The following TRPM8 variants were observed in gnomAD, a reference collection of about 807,000 sequenced individuals.
The protein encoded by TRPM8 is TRPM8 cationic channel.
In TRPM8, 110 loss-of-function variants were observed where a neutral mutation model predicts 133.7. The ratio of observed to expected loss-of-function variants is 0.82; its 90% CI spans 0.70 to 0.96. The LOEUF (loss-of-function observed/expected upper bound fraction) is 0.96. TRPM8 is among the 40% of genes least tolerant of loss of function. The pLI is 0.00. For synonymous variants in TRPM8, 535 were observed against 532.3 expected, an observed-to-expected ratio of 1.01 and a Z score of -0.07; for missense variants, 1,291 against 1,379.5, an observed-to-expected ratio of 0.94 and a Z score of 1.02.
intron 21 of TRPM8, among the ~76,000 whole-genome samples, chr2:233,994,862 C>T (rs1692365522): frequency 6.6e-6 from 1 of 152,144 alleles, no homozygotes; most frequent in African/African-American, 2.4e-5. Flanking sequence ...GTTCATTGCA[C>T]CTCTTTGGCT....
chr2:233,969,520 G>GTT (rs60543702), intron 15 of TRPM8, among the ~76,000 whole-genome samples, 175 bp from the exon 16 acceptor site: 1 of 151,826 alleles, frequency 6.6e-6, no homozygotes, highest in East Asian at 1.9e-4. Flanking sequence ...GTTTTAAATT[G>GTT]TTTTTTTTAA....
chr2:233,943,846 G>T (rs2125108191), intron 6 of TRPM8, among the ~76,000 whole-genome samples: 1 of 152,288 alleles, frequency 6.6e-6, no homozygotes, highest in Non-Finnish European at 1.5e-5. Flanking sequence ...TCCCATCTGG[G>T]CTCCTTAGAA....
chr2:233,934,653 T>C (rs1361886710), intron 3 of TRPM8, among the ~76,000 whole-genome samples: 1 of 152,186 alleles, frequency 6.6e-6, no homozygotes. Flanking sequence ...TGTTCCTCAT[T>C]ATAGAATTTC....
intron 2 of TRPM8, among the ~76,000 whole-genome samples, chr2:233,930,301 G>A (rs1341297821): frequency 2.0e-5 from 3 of 152,112 alleles, no homozygotes; most frequent in Admixed American, 6.5e-5. Flanking sequence ...TAAACAGCAA[G>A]GATAAGAGGA....
chr2:233,919,698 A>G (rs192106362), intron 1 of TRPM8, among the ~76,000 whole-genome samples: 136 of 152,106 alleles, frequency 8.9e-4, no homozygotes, highest in Non-Finnish European at 1.1e-3. Context: ...TTACAAGTAC[A>G]GTGCCTGGCA....
At chr2:233,943,023 TG>T (rs575271250) in intron 6 of TRPM8, 49 of 552,758 alleles carry the variant, frequency 8.9e-5, no homozygotes, top group African/African-American at 7.5e-4. Flanking sequence ...TTCATAACTA[TG>T]GCTTACATCC....
At chr2:233,975,410 T>C (rs1244584758) in intron 17 of TRPM8, among the ~76,000 whole-genome samples, 1 of 152,140 alleles carries the variant, frequency 6.6e-6, no homozygotes, top group Non-Finnish European at 1.5e-5. Flanking sequence ...CAGAGGGCGC[T>C]TTGGTGGCCT....
chr2:233,930,060 A>G (rs530963249), intron 2 of TRPM8, among the ~76,000 whole-genome samples: 1 of 152,304 alleles, frequency 6.6e-6, no homozygotes, highest in South Asian at 2.1e-4. Flanking sequence ...TATCAATCTT[A>G]TGATGTTTCA....
intron 15 of TRPM8, among the ~76,000 whole-genome samples, 175 bp from the exon 16 acceptor site, chr2:233,969,520 G>GT (rs60543702): frequency 0.088 from 13,423 of 151,808 alleles, 1,508 homozygotes; most frequent in East Asian, 0.39. Context: ...GTTTTAAATT[G>GT]TTTTTTTTAA....
At chr2:233,956,246 C>A (rs1460139927) in intron 11 of TRPM8, among the ~76,000 whole-genome samples, 1 of 152,196 alleles carries the variant, frequency 6.6e-6, no homozygotes, top group Non-Finnish European at 1.5e-5. Context: ...TTGGTGACTG[C>A]TGTTTTAGAG....
At chr2:234,005,676 C>T (rs961201509) in intron 22 of TRPM8, among the ~76,000 whole-genome samples, 7 of 151,994 alleles carry the variant, frequency 4.6e-5, no homozygotes, top group East Asian at 1.9e-4. Context: ...TTTGGGAGGC[C>T]GAGGCAGGTA....
chr2:233,942,105 A>C (rs1315377239), intron 5 of TRPM8, among the ~76,000 whole-genome samples: 1 of 114,058 alleles, frequency 8.8e-6, no homozygotes, highest in Admixed American at 1.1e-4. Flanking sequence ...TTTGAGATGG[A>C]GTCTCACTCT....
Position 234,014,658 on chromosome 2 carries a change from A to G in TRPM8, c.*42+4A>G. On this transcript the variant is annotated splice_donor_region_variant and intron_variant, in intron 25 of 25. Transcript: ENST00000324695. Reference sequence around the variant, plus strand: ...AGAAAAATCTAATTATAGCAAGGTGAGTCATTCTAATAGCTTTTTACTTTG... The same window carrying G: ...AGAAAAATCTAATTATAGCAAGGTGGGTCATTCTAATAGCTTTTTACTTTG... The G allele has an allele frequency of 9.3e-7, 1 of 1,080,798 alleles. No individual in the cohort carries two copies. Among genetic ancestry groups the G allele is most frequent in the Non-Finnish European group, 1.3e-6 (1 of 750,068 alleles). The allele number at this position is 1,080,798 out of a possible 1,614,324, so 67.0% of individuals were successfully genotyped here. A position where few individuals can be genotyped will look rare whatever the true frequency, so the allele number is the denominator to read the frequency against.
intron 22 of TRPM8, 90 bp downstream of exon 22, chr2:233,996,606 T>A: frequency 1.7e-6 from 2 of 1,192,292 alleles, no homozygotes; most frequent in Non-Finnish European, 2.4e-6. Flanking sequence ...AGGAAGGAAT[T>A]ATTCACAGAT....
chr2:233,975,158 T>G (rs576671713), intron 17 of TRPM8, among the ~76,000 whole-genome samples: 1 of 144,174 alleles, frequency 6.9e-6, no homozygotes, highest in African/African-American at 2.6e-5. Context: ...TGATTTGATT[T>G]AGATGTTTAT....
intron 2 of TRPM8, among the ~76,000 whole-genome samples, chr2:233,927,849 TTC>T (rs532269885): frequency 0.024 from 1,682 of 70,526 alleles, 298 homozygotes; most frequent in Non-Finnish European, 0.029. Context: ...CCTTCCTTCC[TTC>T]CTTTCTTTCT....
rs577246309 is a variant in TRPM8, at chr2:234,000,203, TG to T, written c.3130+3690del. ...TCGGCTCACTGCAACCTCCGCCTCC[TG>T]GGTTCAAGTGATTCTCCTGCCTCAG... On this transcript the variant is annotated intron_variant, in intron 22 of 25. Coordinates refer to ENST00000324695, the MANE Select transcript of TRPM8 (RefSeq NM_024080.5). Among the ~76,000 whole-genome samples the T allele has an allele frequency of 2.5e-3, 377 of 151,806 alleles. 1 individual carries two copies. The highest frequency in any genetic ancestry group is 8.7e-3 in the African/African-American group (362 of 41,404).
intron 25 of TRPM8, among the ~76,000 whole-genome samples, chr2:234,015,356 A>AT (rs539984236): frequency 0.18 from 26,126 of 147,000 alleles, 2,510 homozygotes; most frequent in Admixed American, 0.23. Flanking sequence ...CTGGATTAGA[A>AT]TTTTTTTTTT....
At chr2:233,998,846 C>G (rs771956535) in intron 22 of TRPM8, among the ~76,000 whole-genome samples, 2 of 152,204 alleles carry the variant, frequency 1.3e-5, no homozygotes, top group Non-Finnish European at 2.9e-5. Flanking sequence ...AGGACTATCC[C>G]AATTGTAACA....
Sources: allele counts gnomAD v4.1 joint callset (sites outside exome capture counted in the v4.1 genomes callset), GRCh38; gene constraint gnomAD v4.1.1; transcripts MANE v1.5; gene names NCBI Gene and HGNC (gene_info 2026-07-23, HGNC 2026-07-21).